Variants in SUMF1 observed in about 807,000 individuals in gnomAD.
SUMF1 encodes formylglycine-generating enzyme.
SUMF1 carries 48 observed loss-of-function variants against 47.6 expected under a neutral mutation model. The observed-to-expected ratio is 1.01, with a 90% CI of 0.80 to 1.28. The LOEUF is 1.28. Among genes scored for constraint, SUMF1 ranks in the 50% most tolerant of loss-of-function variants. The pLI is 0.00. For missense variants in SUMF1, 571 were observed against 485.4 expected (o/e 1.18, Z -1.66); for synonymous variants, 230 against 192.1 (o/e 1.20, Z -1.63).
At chr3:4,418,327 TG>T in intron 4 of SUMF1, among the ~76,000 whole-genome samples, 195 bp from the exon 5 acceptor site, 2 of 152,292 alleles carry the variant, frequency 1.3e-5, no homozygotes, top group South Asian at 4.1e-4. Flanking sequence ...GGCTCCCAAA[TG>T]GGTTACAGTT....
intron 8 of SUMF1, among the ~76,000 whole-genome samples, chr3:4,151,477 A>G (rs544771928): frequency 1.4e-5 from 2 of 145,156 alleles, no homozygotes; most frequent in Admixed American, 6.9e-5. Flanking sequence ...GTATATATGT[A>G]TATATGTGTA....
intron 8 of SUMF1, among the ~76,000 whole-genome samples, chr3:4,114,429 T>C (rs1693377753): frequency 6.6e-6 from 1 of 152,172 alleles, no homozygotes; most frequent in Non-Finnish European, 1.5e-5. Context: ...GCTAGAAAAA[T>C]ACAGCTTCAT....
chr3:4,297,045 TC>T (rs147734084), intron 8 of SUMF1, among the ~76,000 whole-genome samples: 33 of 152,290 alleles, frequency 2.2e-4, no homozygotes, highest in African/African-American at 7.5e-4. Context: ...TAAACCTACC[TC>T]TCAGCTCCTG....
intron 8 of SUMF1, among the ~76,000 whole-genome samples, chr3:4,121,484 G>T (rs13073462): frequency 0.37 from 56,102 of 151,630 alleles, 11,487 homozygotes; most frequent in Non-Finnish European, 0.48. Flanking sequence ...TTTATGATTA[G>T]TACAACTGGT....
intron 8 of SUMF1, among the ~76,000 whole-genome samples, chr3:4,281,453 C>T (rs564123832): frequency 6.6e-6 from 1 of 152,224 alleles, no homozygotes; most frequent in South Asian, 2.1e-4. Context: ...CATAACAATC[C>T]TATGCCATAG....
chr3:4,276,624 G>T (rs772379162), intron 8 of SUMF1, among the ~76,000 whole-genome samples: 1 of 151,974 alleles, frequency 6.6e-6, no homozygotes, highest in Non-Finnish European at 1.5e-5. Context: ...ATTTATTATT[G>T]CAAGATATAA....
chr3:4,420,645 C>T (rs1701866997), intron 3 of SUMF1, among the ~76,000 whole-genome samples: 1 of 152,142 alleles, frequency 6.6e-6, no homozygotes, highest in African/African-American at 2.4e-5. Context: ...ATCCGCCCGC[C>T]TCGGCCTCCC....
In SUMF1 at chr3:4,137,258, G is replaced by A. The variant is rs538462835; in HGVS notation, c.1015-68513C>T. On this transcript the variant is annotated intron_variant and NMD_transcript_variant, in intron 8 of 12. Coordinates refer to the SUMF1 transcript ENST00000448413. ...AAATGATAGACTGGATTAAGAAAAT[G>A]TGGCACATATACACCATGGAATACT... 1.5e-4 allele frequency among the ~76,000 whole-genome samples: 23 copies of A among 152,196 alleles called. No individual in the cohort carries two copies. In the East Asian group the frequency reaches 4.2e-3, roughly 28 times the overall value.
chr3:4,135,375 C>G (rs1321404377), intron 8 of SUMF1, among the ~76,000 whole-genome samples: 1 of 152,100 alleles, frequency 6.6e-6, no homozygotes, highest in Non-Finnish European at 1.5e-5. Context: ...ACAAAAACCA[C>G]ATGATTATCT....
At chr3:4,096,679 G>C (rs1289508186) in intron 8 of SUMF1, among the ~76,000 whole-genome samples, 1 of 152,108 alleles carries the variant, frequency 6.6e-6, no homozygotes, top group Admixed American at 6.5e-5. Flanking sequence ...ACCAAAATTA[G>C]GAGGAGACAT....
chr3:4,315,009 A>C (rs970951346), intron 8 of SUMF1, among the ~76,000 whole-genome samples: 7 of 152,178 alleles, frequency 4.6e-5, no homozygotes, highest in African/African-American at 1.7e-4. Flanking sequence ...ATTATATCTC[A>C]ATAAAGCTAG....
At chr3:4,328,346 C>T (rs189105948) in intron 8 of SUMF1, among the ~76,000 whole-genome samples, 184 of 152,114 alleles carry the variant, frequency 1.2e-3, no homozygotes, top group South Asian at 2.3e-3. Context: ...AATAAGATAG[C>T]GTATTAGTCA....
chr3:4,304,198 C>G (rs112841759), intron 8 of SUMF1: 6 of 154,678 alleles, frequency 3.9e-5, no homozygotes, highest in Admixed American at 6.5e-5. Flanking sequence ...CTGGAGTGCA[C>G]TGGCGCGATC....
chr3:4,382,002 C>T (rs78165797), intron 7 of SUMF1, among the ~76,000 whole-genome samples: 4,770 of 152,148 alleles, frequency 0.031, 110 homozygotes, highest in Non-Finnish European at 0.047. Context: ...GCAGTGACTG[C>T]GCCACAGCAC....
At chr3:4,170,437 G>A (rs544235944) in intron 8 of SUMF1, among the ~76,000 whole-genome samples, 86 of 152,266 alleles carry the variant, frequency 5.6e-4, no homozygotes, top group East Asian at 2.3e-3. Flanking sequence ...GAGAACTGCC[G>A]CTTTAAGTTT....
chr3:4,200,516 C>T (rs1031850338), intron 8 of SUMF1, among the ~76,000 whole-genome samples: 1 of 152,044 alleles, frequency 6.6e-6, no homozygotes, highest in Admixed American at 6.6e-5. Context: ...GGACTTGCAC[C>T]AGCAGCTCTC....
intron 8 of SUMF1, among the ~76,000 whole-genome samples, chr3:4,191,422 T>C (rs989368555): frequency 1.3e-5 from 2 of 152,160 alleles, no homozygotes; most frequent in African/African-American, 4.8e-5. Flanking sequence ...GGTTACATCA[T>C]GTAGGTCCTT....
At chr3:4,452,755 G>T in intron 2 of SUMF1, 121 bp downstream of exon 2, 1 of 1,183,726 alleles carries the variant, frequency 8.4e-7, no homozygotes, top group Non-Finnish European at 1.2e-6. Flanking sequence ...ACAATAAAAT[G>T]CTTCACACAG....
chr3:4,345,933 C>T (rs1699364547), intron 8 of SUMF1, among the ~76,000 whole-genome samples: 1 of 151,824 alleles, frequency 6.6e-6, no homozygotes, highest in African/African-American at 2.4e-5. Context: ...CCAAAAAAGA[C>T]AAAGAAGGGA....
Sources: gnomAD v4.1 joint callset for allele counts (sites outside exome capture counted in the v4.1 genomes callset) on GRCh38, gnomAD v4.1.1 for gene constraint, MANE v1.5 for transcripts, NCBI Gene and HGNC (gene_info 2026-07-23, HGNC 2026-07-21) for gene names.